Variants in RAD17 observed in about 807,000 individuals in gnomAD.
RAD17 encodes the protein cell cycle checkpoint protein RAD17.
A neutral mutation model predicts 81.5 loss-of-function variants in RAD17; 31 were observed. The ratio of observed to expected loss-of-function variants is 0.38; its 90% confidence interval spans 0.29 to 0.51. The LOEUF (loss-of-function observed/expected upper bound fraction) is 0.51, where lower values mean the gene tolerates loss of function less well. RAD17 is among the 20% of genes least tolerant of loss of function. The pLI is 0.88. For missense variants in RAD17, 681 were observed against 781.2 expected, an observed-to-expected ratio of 0.87 and a Z score of 1.53; for synonymous variants, 261 against 266.2, an observed-to-expected ratio of 0.98 and a Z score of 0.19.
At chr5:69,400,309 C>T (rs972408316) in intron 17 of RAD17, 140 bp downstream of exon 17, 3 of 494,394 alleles carry the variant, frequency 6.1e-6, no homozygotes, top group African/African-American at 6.0e-5. Flanking sequence ...CCTCTGCCTC[C>T]TGGGTTCAAG....
At position 69,373,686 on chromosome 5, in the gene RAD17, ATTTTTTTTTTTTTT is replaced by A. The variant is rs56385833; in HGVS notation, c.10-127_10-114del. 44 of 251,926 alleles carry A rather than the reference ATTTTTTTTTTTTTT, an allele frequency of 1.7e-4. 1 individual carries two copies. Among genetic ancestry groups the A allele is most frequent in the Non-Finnish European group, 2.5e-4 (41 of 161,316 alleles). The allele number at this position is 251,926 out of a possible 1,614,324, so 15.6% of individuals were successfully genotyped here. On this transcript the variant is annotated intron_variant, in intron 4 of 18. Coordinates refer to ENST00000354868, the MANE Select transcript of RAD17 (RefSeq NM_133338.3). ...CAGAGTGAGACCCGGTCTCAAAAAA[ATTTTTTTTTTTTTT>A]TTTTTTTTTTTTTTTTAAGTTTTAA...
rs1271227520 is a variant in RAD17 at position 69,377,550 on chromosome 5, CATATATATGT to C, written c.351+2848_351+2857del. ...ATGTGTATATATACGTATATATATG[CATATATATGT>C]ATATATATATGCATATATATGTATA... On this transcript the variant is annotated intron_variant, in intron 6 of 18. Coordinates refer to ENST00000354868, the MANE Select transcript of RAD17 (RefSeq NM_133338.3). 5.9e-4 allele frequency among the ~76,000 whole-genome samples: 3 copies of C among 5,106 alleles called. 1 individual carries two copies. Among genetic ancestry groups the C allele is most frequent in the African/African-American group, 8.6e-4 (2 of 2,328 alleles). The allele number at this position is 5,106 out of a possible 152,430, so 3.3% of individuals were successfully genotyped here.
intron 4 of RAD17, among the ~76,000 whole-genome samples, chr5:69,373,436 A>G (rs1224243762): frequency 6.6e-6 from 1 of 152,176 alleles, no homozygotes; most frequent in East Asian, 1.9e-4. Context: ...ATGGTGGCTT[A>G]TACCTTTAAT....
chr5:69,385,502 C>T (rs181517808), intron 8 of RAD17, among the ~76,000 whole-genome samples: 1 of 151,794 alleles, frequency 6.6e-6, no homozygotes, highest in Non-Finnish European at 1.5e-5. Context: ...AACTCCTGAC[C>T]TCAAGGTAAT....
rs1763228041 is a variant in RAD17 at position 69,374,670 on chromosome 5, A to G, written c.310A>G (p.Thr104Ala). 6.2e-7 allele frequency: 1 copy of G among 1,612,178 alleles called. No individual in the cohort carries two copies. Among genetic ancestry groups the G allele is most frequent in the South Asian group, 1.1e-5 (1 of 90,432 alleles). Residue 104 changes from threonine to alanine, a missense_variant, in exon 6 of 19, where the codon ACC becomes GCC. Transcript: ENST00000354868. ...VHKKKIEEVE[T>A]WLKAQVLERQ... is the part of the protein sequence containing the mutation. ...TAAAAAGAAAATTGAAGAAGTCGAA[A>G]CCTGGTTAAAAGCTCAAGTTTTAGA... is the stretch of plus-strand genomic sequence containing the variant.
intron 7 of RAD17, 82 bp downstream of exon 7, chr5:69,382,139 A>AT (rs2150801427): frequency 4.2e-6 from 6 of 1,431,654 alleles, no homozygotes; most frequent in East Asian, 4.8e-5. Context: ...CTATGAGTGC[A>AT]TTTTTTCCCA....
In RAD17 at chr5:69,414,052, T is replaced by C. The variant is rs200540605; in HGVS notation, c.1773T>C (p.Thr591=). Residue 591 remains threonine, a synonymous_variant, in exon 19 of 19, where the codon ACT becomes ACC. Coordinates refer to ENST00000354868, the MANE Select transcript of RAD17 (RefSeq NM_133338.3). The part of the protein sequence containing the change: ...HFGRLKMEAL[T]DREHGMIDPD... ...ACAGATTGAAAATGGAAGCCCTGAC[T>C]GACAGGGAACATGGAATGATAGACC... is the stretch of plus-strand genomic sequence containing the variant. 1.2e-6 allele frequency: 2 copies of C among 1,614,094 alleles called. No individual in the cohort carries two copies. Among genetic ancestry groups the C allele is most frequent in the Non-Finnish European group, 1.7e-6 (2 of 1,180,048 alleles).
intron 17 of RAD17, among the ~76,000 whole-genome samples, chr5:69,409,408 G>T (rs1315359409): frequency 6.6e-6 from 1 of 152,140 alleles, no homozygotes; most frequent in Non-Finnish European, 1.5e-5. Context: ...GGAATGAAAT[G>T]TTCATCAAGC....
chr5:69,377,860 T>C (rs1763613356), intron 6 of RAD17, among the ~76,000 whole-genome samples: 1 of 151,760 alleles, frequency 6.6e-6, no homozygotes, highest in South Asian at 2.1e-4. Context: ...GGTGCTGTCA[T>C]AGCTCACTGC....
Position 69,371,497 on chromosome 5 carries a change from G to A in RAD17, c.-236G>A. On this transcript the variant is annotated 5_prime_UTR_variant, in exon 3 of 19. Transcript: ENST00000354868. ...TACTGCAAGTCCTAAACTACGGATGGGAACTATTACAGTTTATAATGTCAA... is the reference window on the plus strand; with the variant it reads ...TACTGCAAGTCCTAAACTACGGATGAGAACTATTACAGTTTATAATGTCAA... 1 of 1,370,172 alleles carries A rather than the reference G, an allele frequency of 7.3e-7. No homozygotes were observed. Among genetic ancestry groups the A allele is most frequent in the Non-Finnish European group, 9.7e-7 (1 of 1,029,510 alleles). 84.9% of individuals were successfully genotyped at this position (1,370,172 alleles called of 1,614,324 possible). A position where few individuals can be genotyped will look rare whatever the true frequency, so the allele number is the denominator to read the frequency against.
chr5:69,393,124 TATC>T (rs751340616), intron 13 of RAD17, 28 bp from the exon 14 acceptor site: 2 of 1,437,964 alleles, frequency 1.4e-6, no homozygotes, highest in South Asian at 2.4e-5. Context: ...AAGAAGGTAT[TATC>T]TTTAATAATT....
At chr5:69,373,324 G>A (rs957647331) in intron 4 of RAD17, among the ~76,000 whole-genome samples, 3 of 152,126 alleles carry the variant, frequency 2.0e-5, no homozygotes, top group Admixed American at 6.5e-5. Context: ...TTAAGGTCAA[G>A]TAGACAAGTA....
chr5:69,377,472 T>TACATATATATATATACAC (rs1434654298), intron 6 of RAD17, among the ~76,000 whole-genome samples: 1 of 6,454 alleles, frequency 1.5e-4, no homozygotes, highest in South Asian at 5.6e-3. Flanking sequence ...TATATATATA[T>TACATATATATATATACAC]ATACACACAC....
chr5:69,373,538 AC>A (rs1763135907), intron 4 of RAD17, among the ~76,000 whole-genome samples: 2 of 152,050 alleles, frequency 1.3e-5, no homozygotes, highest in African/African-American at 4.8e-5. Flanking sequence ...ACCCATCTCT[AC>A]AAAAAATACA....
chr5:69,369,492 G>C (rs1762763351), upstream of RAD17: 1 of 1,611,366 alleles, frequency 6.2e-7, no homozygotes. Flanking sequence ...AAGCAACATG[G>C]TCCCCGCCGC....
At chr5:69,386,709 A>C (rs17229943) in intron 11 of RAD17, among the ~76,000 whole-genome samples, 6,071 of 152,186 alleles carry the variant, frequency 0.04, 185 homozygotes, top group Non-Finnish European at 0.056. Context: ...TTACTGTTCT[A>C]AATTGTGTCT....
chr5:69,401,082 C>T (rs970928454), intron 17 of RAD17, among the ~76,000 whole-genome samples: 2 of 152,130 alleles, frequency 1.3e-5, no homozygotes, highest in Admixed American at 1.3e-4. Context: ...TGGTGGCACG[C>T]GTCTGTAATC....
At chr5:69,379,777 G>A (rs1240016636) in intron 6 of RAD17, among the ~76,000 whole-genome samples, 1 of 152,076 alleles carries the variant, frequency 6.6e-6, no homozygotes, top group East Asian at 1.9e-4. Context: ...CCACTGGAAG[G>A]TCTTCAGAGG....
At position 69,390,799 on chromosome 5, in the gene RAD17, T is replaced by A. The variant is rs76544742; in HGVS notation, c.1007-1032T>A. On this transcript the variant is annotated intron_variant, in intron 12 of 18. Transcript: ENST00000354868. The stretch of plus-strand genomic sequence containing the variant: ...GCGAGGCCTCGTCTCTAATTAAAAA[T>A]ATATATATATATAGCCAGCATGGTG... Among the ~76,000 whole-genome samples the A allele has an allele frequency of 4.3e-3, 309 of 71,222 alleles. 1 individual carries two copies. Among genetic ancestry groups the A allele is most frequent in the African/African-American group, 7.8e-3 (258 of 33,046 alleles). The allele number at this position is 71,222 out of a possible 152,430, so 46.7% of individuals were successfully genotyped here. A position where few individuals can be genotyped will look rare whatever the true frequency, so the allele number is the denominator to read the frequency against.
Sources: gnomAD v4.1 joint callset for allele counts (sites outside exome capture counted in the v4.1 genomes callset) on GRCh38, gnomAD v4.1.1 for gene constraint, MANE v1.5 for transcripts, NCBI Gene and HGNC (gene_info 2026-07-23, HGNC 2026-07-21) for gene names.